SAXO3: variants seen among roughly 807,000 people sequenced by gnomAD.
SAXO3 encodes the protein CTB-60B18.10.
chr19:49,018,196 C>T, the SAXO3 span: 7 of 461,936 alleles, frequency 1.5e-5, no homozygotes, highest in African/African-American at 1.4e-4. Flanking sequence ...GGCTGACGCG[C>T]GGCACGCGGA....
chr19:49,018,433 C>T, the SAXO3 span: 1,407 of 770,250 alleles, frequency 1.8e-3, 3 homozygotes, highest in Non-Finnish European at 2.3e-3. Context: ...CATTCAAACT[C>T]CTGCATTTCC....
the SAXO3 span, chr19:49,018,260 C>T: frequency 6.1e-6 from 6 of 982,220 alleles, no homozygotes; most frequent in African/African-American, 6.7e-5. Context: ...CCGCTGCGGG[C>T]CGTGGCTCCA....
chr19:49,020,393 G>A, the SAXO3 span: 3 of 402,770 alleles, frequency 7.4e-6, no homozygotes, highest in Non-Finnish European at 1.3e-5. Flanking sequence ...TGGGCGGGGT[G>A]AAGGGTATGG....
chr19:49,019,835 C>A, the SAXO3 span: 17 of 1,261,612 alleles, frequency 1.3e-5, no homozygotes, highest in East Asian at 4.6e-4. Context: ...CAGAGACTCA[C>A]GTGAAGGAGC....
the SAXO3 span, chr19:49,019,625 G>T: frequency 2.0e-5 from 25 of 1,255,434 alleles, 1 homozygote; most frequent in Admixed American, 3.1e-4. Flanking sequence ...CGTCTCGCCG[G>T]CGCCGGCTTC....
At chr19:49,019,753 G>T in the SAXO3 span, 2 of 1,202,626 alleles carry the variant, frequency 1.7e-6, no homozygotes, top group South Asian at 1.8e-5. Context: ...CTGCGCCCTC[G>T]TCTCGCTGCT....
chr19:49,018,174 C>T, the SAXO3 span: 17 of 413,050 alleles, frequency 4.1e-5, no homozygotes, highest in Non-Finnish European at 6.7e-5. Flanking sequence ...TGCGGCATGG[C>T]CGAGGTCACC....
chr19:49,018,947 T>C, the SAXO3 span: 1 of 1,534,442 alleles, frequency 6.5e-7, no homozygotes, highest in Non-Finnish European at 8.7e-7. Context: ...CCCGGTCGGA[T>C]ACTGTGAAAG....
At chr19:49,020,355 G>T in the SAXO3 span, 3 of 413,528 alleles carry the variant, frequency 7.3e-6, no homozygotes, top group South Asian at 9.5e-5. Context: ...CGGCAGGGCT[G>T]CAGCGTAGGG....
chr19:49,018,162 G>C, the SAXO3 span: 1 of 404,550 alleles, frequency 2.5e-6, no homozygotes, highest in Non-Finnish European at 4.3e-6. Context: ...AGGGCTCCCC[G>C]GTGCGGCATG....
At chr19:49,018,708 A>T in the SAXO3 span, among the ~76,000 whole-genome samples, 8 of 141,440 alleles carry the variant, frequency 5.7e-5, no homozygotes, top group East Asian at 1.6e-3. Context: ...CTGGGTGCTT[A>T]AAAAAAAAAG....
the SAXO3 span, chr19:49,020,199 C>CAGCCCTTT: frequency 4.0e-6 from 2 of 498,806 alleles, no homozygotes; most frequent in African/African-American, 4.0e-5. Context: ...AGTCGGCCCC[C>CAGCCCTTT]AGCCCTTTCC....
chr19:49,018,380 C>A, the SAXO3 span: 1 of 1,180,322 alleles, frequency 8.5e-7, no homozygotes, highest in Non-Finnish European at 1.1e-6. Flanking sequence ...ACAGCTGGAT[C>A]CTTGGGGACG....
At chr19:49,020,494 G>A in the SAXO3 span, 1 of 398,776 alleles carries the variant, frequency 2.5e-6, no homozygotes. Flanking sequence ...CGACAGCCCG[G>A]AGCCAGGGTG....
the SAXO3 span, chr19:49,018,268 C>G: frequency 1.9e-6 from 2 of 1,048,338 alleles, no homozygotes; most frequent in East Asian, 6.5e-5. Flanking sequence ...GGCCGTGGCT[C>G]CAGACCTGGG....
At chr19:49,020,037 T>C in the SAXO3 span, 1 of 1,446,526 alleles carries the variant, frequency 6.9e-7, no homozygotes, top group Non-Finnish European at 9.0e-7. Context: ...TCCCATCTGC[T>C]GAGGACCTCG....
chr19:49,019,621 G>A, the SAXO3 span: 7 of 1,248,912 alleles, frequency 5.6e-6, no homozygotes, highest in African/African-American at 9.4e-5. Flanking sequence ...GCCCCGTCTC[G>A]CCGGCGCCGG....
the SAXO3 span, chr19:49,018,809 T>C: frequency 7.2e-7 from 1 of 1,382,348 alleles, no homozygotes; most frequent in Non-Finnish European, 9.9e-7. Context: ...GCCCAGGGGC[T>C]CGGCGTGCAC....
At chr19:49,019,763 T>A in the SAXO3 span, 1 of 1,220,474 alleles carries the variant, frequency 8.2e-7, no homozygotes, top group Non-Finnish European at 1.1e-6. Context: ...GTCTCGCTGC[T>A]CTGGTACTTT....
Sources: allele counts gnomAD v4.1 joint callset (sites outside exome capture counted in the v4.1 genomes callset), GRCh38; gene constraint gnomAD v4.1.1; transcripts MANE v1.5; gene names NCBI Gene and HGNC (gene_info 2026-07-23, HGNC 2026-07-21).